OFD1: variants seen among roughly 807,000 people sequenced by gnomAD.
OFD1 encodes OFD1 centriole and centriolar satellite protein.
A neutral mutation model predicts 81.4 loss-of-function variants in OFD1; 12 were observed. The observed-to-expected ratio is 0.15, with a 90% CI of 0.09 to 0.24. The LOEUF (loss-of-function observed/expected upper bound fraction) is 0.24, where lower values mean the gene tolerates loss of function less well. Ranked by LOEUF, OFD1 falls within the 10% of genes least tolerant of loss-of-function variation. The probability of loss-of-function intolerance (pLI) is 1.00; values close to 1 mark genes in which losing one functional copy is unlikely to be tolerated. For synonymous variants in OFD1, 256 were observed against 263.7 expected (o/e 0.97, Z 0.28); for missense variants, 685 against 733.9 (o/e 0.93, Z 0.77).
In OFD1 at chrX:13,735,278, A is replaced by T; in HGVS notation, c.43A>T (p.Ser15Cys). 2.5e-6 allele frequency: 3 copies of T among 1,211,489 alleles called. No homozygotes were observed. The highest frequency in any genetic ancestry group is 3.4e-6 in the Non-Finnish European group (3 of 895,145). Residue 15 changes from serine (S) to cysteine (C), a missense_variant, in exon 2 of 23, where the codon AGT becomes TGT. This residue lies in a region of OFD1 where 414 missense variants were observed against 447.2 expected (regional missense o/e 0.93). Coordinates refer to ENST00000340096, the MANE Select transcript of OFD1 (RefSeq NM_003611.3). ...CATGTTTACCGTGGCTGATGTGTTGAGTCAAGATGAACTGCGCAAAAAGCT... is the reference window on the plus strand; with the variant it reads ...CATGTTTACCGTGGCTGATGTGTTGTGTCAAGATGAACTGCGCAAAAAGCT... The part of the protein sequence containing the change: ...SNMFTVADVL[S>C]QDELRKKLYQ...
intron 19 of OFD1, among the ~76,000 whole-genome samples, chrX:13,765,007 C>T (rs763474002): frequency 6.2e-4 from 69 of 111,469 alleles, no homozygotes; most frequent in Non-Finnish European, 9.8e-4. Context: ...CAGACCTGAG[C>T]GAGGGAATAC....
chrX:13,760,770 A>G (rs777679656), intron 16 of OFD1, 50 bp downstream of exon 16: 7 of 1,199,802 alleles, frequency 5.8e-6, no homozygotes, highest in Non-Finnish European at 5.6e-6. Context: ...TTGGGTAGCC[A>G]CCCTGCCCAC....
intron 3 of OFD1, among the ~76,000 whole-genome samples, chrX:13,737,570 C>G (rs1192405198): frequency 9.1e-6 from 1 of 109,897 alleles, no homozygotes; most frequent in Non-Finnish European, 1.9e-5. Context: ...TCATTATCAC[C>G]CAGAGGCCAT....
intron 20 of OFD1, among the ~76,000 whole-genome samples, chrX:13,767,618 A>C (rs1569164091): frequency 8.9e-6 from 1 of 112,344 alleles, no homozygotes; most frequent in Non-Finnish European, 1.9e-5. Flanking sequence ...TGTCAGTGCC[A>C]GCTAGCTGGG....
At chrX:13,772,911 C>T, downstream of OFD1, 1 of 1,210,594 alleles carries the variant, frequency 8.3e-7, no homozygotes. Context: ...GTTCTTTTGA[C>T]CGAGACTGGA....
In OFD1 at chrX:13,734,852, G is replaced by A. The variant is rs970580954; in HGVS notation, c.-220G>A. ...TGCCTGGGTCCTCGCCCTTGCCTCAGAACCGCGAAGAAAGGAAGCTCGCGT... is the reference window on the plus strand; with the variant it reads ...TGCCTGGGTCCTCGCCCTTGCCTCAAAACCGCGAAGAAAGGAAGCTCGCGT... On this transcript the variant is annotated 5_prime_UTR_variant, in exon 1 of 23. Transcript: ENST00000340096. 9.2e-6 allele frequency: 10 copies of A among 1,084,569 alleles called. No individual in the cohort carries two copies. The African/African-American group carries it at 1.1e-4, about 12-fold the overall frequency. The allele number at this position is 1,084,569 out of a possible 1,213,427, so 89.4% of individuals were successfully genotyped here. A position where few individuals can be genotyped will look rare whatever the true frequency, so the allele number is the denominator to read the frequency against.
chrX:13,760,018 T>A, intron 15 of OFD1, 97 bp from the exon 16 acceptor site: 1 of 1,079,560 alleles, frequency 9.3e-7, no homozygotes, highest in Non-Finnish European at 1.3e-6. Context: ...TTGTCCTTAT[T>A]ACTCTCTTCC....
chrX:13,739,620 T>C (rs2047010306), intron 5 of OFD1: 1 of 115,359 alleles, frequency 8.7e-6, no homozygotes. Context: ...TAGTGGCGCA[T>C]GCTTGTAATC....
At chrX:13,756,487 T>C in intron 12 of OFD1, 91 bp from the exon 13 acceptor site, 2 of 668,447 alleles carry the variant, frequency 3.0e-6, no homozygotes, top group South Asian at 5.2e-5. Flanking sequence ...AATTAAATTG[T>C]GACACCATGC....
At chrX:13,747,005 G>A (rs1166525925) in intron 8 of OFD1, 52 bp downstream of exon 8, 8 of 1,089,883 alleles carry the variant, frequency 7.3e-6, no homozygotes, top group Non-Finnish European at 1.0e-5. Context: ...CTATTAGTAG[G>A]TTGGCTCGAG....
At position 13,760,124 on chromosome X, in the gene OFD1, A is replaced by G; in HGVS notation, c.1664A>G (p.Asn555Ser). ...TTTTTGTACCCTGCAGCCCTAGAGA[A>G]TGAAGTGTACTGCAATCCAAAGCAG... ...QLKQTQTALE[N>S]EVYCNPKQSV... Residue 555 changes from asparagine (N) to serine (S), a missense_variant, in exon 16 of 23, where the codon AAT becomes AGT. Asn to Ser is a conservative substitution (Grantham distance 46, BLOSUM62 1). This residue lies in a region of OFD1 where 414 missense variants were observed against 447.2 expected (regional missense o/e 0.93). Coordinates refer to ENST00000340096, the MANE Select transcript of OFD1 (RefSeq NM_003611.3). 1 of 1,211,912 alleles carries G rather than the reference A, an allele frequency of 8.3e-7. No homozygotes were observed. The highest frequency in any genetic ancestry group is 1.8e-5 in the South Asian group (1 of 57,025).
the OFD1 span, among the ~76,000 whole-genome samples, chrX:13,726,973 C>T: frequency 8.9e-6 from 1 of 111,814 alleles, no homozygotes; most frequent in African/African-American, 3.3e-5. Context: ...TCTGATAAAA[C>T]AGACTTTAAA....
At chrX:13,761,912 T>C (rs2047948427) in intron 17 of OFD1, among the ~76,000 whole-genome samples, 1 of 105,253 alleles carries the variant, frequency 9.5e-6, no homozygotes, top group Non-Finnish European at 2.0e-5. Flanking sequence ...AGCTTTTTTT[T>C]TTTTTTTTTT....
At chrX:13,728,502 CAT>C in the OFD1 span, among the ~76,000 whole-genome samples, 4 of 112,140 alleles carry the variant, frequency 3.6e-5, no homozygotes, top group South Asian at 3.7e-4. Flanking sequence ...ACAAAATCCA[CAT>C]GATTATCTCA....
rs1189655158 is a variant in OFD1 at position 13,757,675 on chromosome X, C to T, written c.1427C>T (p.Ala476Val). The T allele has an allele frequency of 3.3e-6, 4 of 1,205,849 alleles. No homozygotes were observed. Among genetic ancestry groups the T allele is most frequent in the African/African-American group, 3.6e-5 (2 of 56,137 alleles). Residue 476 changes from alanine (A) to valine (V), a missense_variant, in exon 14 of 23, where the codon GCT (alanine) becomes GTT (valine). This residue lies in a region of OFD1 where 414 missense variants were observed against 447.2 expected (regional missense o/e 0.93). Coordinates refer to ENST00000340096, the MANE Select transcript of OFD1 (RefSeq NM_003611.3). Reference protein sequence around the residue: ...LRLLNRLAQPAPELAVFQKEL... With the variant: ...LRLLNRLAQPVPELAVFQKEL... Reference sequence around the variant, plus strand: ...ACCTTCTTAGGCCTAGCTCAGCCGGCTCCTGAACTTGCAGTCTTTCAGAAA... The same window carrying T: ...ACCTTCTTAGGCCTAGCTCAGCCGGTTCCTGAACTTGCAGTCTTTCAGAAA...
chrX:13,744,039 A>G (rs2047202310), intron 5 of OFD1, among the ~76,000 whole-genome samples: 1 of 112,062 alleles, frequency 8.9e-6, no homozygotes, highest in Admixed American at 9.5e-5. Context: ...TTGTGATCCC[A>G]GCACTTTGGG....
intron 6 of OFD1, 92 bp from the exon 7 acceptor site, chrX:13,746,227 A>G (rs959775912): frequency 2.4e-6 from 2 of 818,213 alleles, no homozygotes; most frequent in East Asian, 6.4e-5. Flanking sequence ...ACTTTCCCCT[A>G]AGTATCCTCT....
chrX:13,762,669 G>GT (rs758887466), intron 18 of OFD1, among the ~76,000 whole-genome samples: 22 of 112,774 alleles, frequency 2.0e-4, no homozygotes, highest in Admixed American at 1.4e-3. Context: ...TAATTTCAGA[G>GT]TTTGAGCTAA....
intron 3 of OFD1, 114 bp downstream of exon 3, chrX:13,736,792 C>G: frequency 1.8e-6 from 1 of 540,976 alleles, no homozygotes; most frequent in Non-Finnish European, 3.2e-6. Context: ...TTTCTGTTTC[C>G]TCTTTGAATT....
Sources: gnomAD v4.1 joint callset for allele counts (sites outside exome capture counted in the v4.1 genomes callset) on GRCh38, gnomAD v4.1.1 for gene constraint, gnomAD v4.1.1 regional missense constraint, MANE v1.5 for transcripts, NCBI Gene and HGNC (gene_info 2026-07-23, HGNC 2026-07-21) for gene names.